Variants in NR3C2 observed in about 807,000 individuals in gnomAD.
NR3C2 encodes nuclear receptor subfamily 3 group C member 2.
A neutral mutation model predicts 86.4 loss-of-function variants in NR3C2; 15 were observed. That is an observed-to-expected ratio of 0.17 (90% CI 0.12 to 0.27). NR3C2 has a LOEUF of 0.27. Among genes scored for constraint, NR3C2 ranks in the 10% least tolerant of loss-of-function variants. The pLI is 1.00. For synonymous variants in NR3C2, 458 were observed against 450.5 expected, an observed-to-expected ratio of 1.02 and a Z score of -0.21; for missense variants, 960 against 1,195.6, an observed-to-expected ratio of 0.80 and a Z score of 2.91.
At chr4:148,318,728 T>G (rs1033145533) in intron 2 of NR3C2, among the ~76,000 whole-genome samples, 2 of 152,020 alleles carry the variant, frequency 1.3e-5, no homozygotes, top group African/African-American at 4.8e-5. Flanking sequence ...GGGTTGTTTG[T>G]TTTTTTCTTG....
chr4:148,196,946 A>G (rs999855035), intron 3 of NR3C2, among the ~76,000 whole-genome samples: 1 of 152,230 alleles, frequency 6.6e-6, no homozygotes, highest in African/African-American at 2.4e-5. Flanking sequence ...TAAAATTTTA[A>G]TGCCACATTA....
intron 2 of NR3C2, among the ~76,000 whole-genome samples, chr4:148,331,671 C>A (rs1744242913): frequency 6.6e-6 from 1 of 152,146 alleles, no homozygotes; most frequent in Non-Finnish European, 1.5e-5. Context: ...CAGAAAGAAG[C>A]TTCCTACTAA....
intron 5 of NR3C2, among the ~76,000 whole-genome samples, 186 bp from the exon 6 acceptor site, chr4:148,152,799 C>G (rs1450869110): frequency 6.6e-6 from 1 of 152,154 alleles, no homozygotes; most frequent in African/African-American, 2.4e-5. Flanking sequence ...CCACATTTCA[C>G]TTTAAATTCA....
chr4:148,152,251 A>G (rs1734135910), intron 6 of NR3C2, among the ~76,000 whole-genome samples: 1 of 152,226 alleles, frequency 6.6e-6, no homozygotes, highest in Admixed American at 6.5e-5. Context: ...ATTATGTGGA[A>G]TTTATATATA....
rs556361827 is a variant in NR3C2 at position 148,129,510 on chromosome 4, AT to A, written c.2511-9223del. 2.4e-4 allele frequency among the ~76,000 whole-genome samples: 36 copies of A among 152,314 alleles called. 1 individual carries two copies. The highest frequency in any genetic ancestry group is 4.9e-4 in the Non-Finnish European group (33 of 68,024). On this transcript the variant is annotated intron_variant, in intron 6 of 8. Coordinates refer to ENST00000358102, the MANE Select transcript of NR3C2 (RefSeq NM_000901.5). Reference sequence around the variant, plus strand: ...TTAGAAGGCAAATTTTGTTATGTGTATTTTTTTATCACAACTAAAATATGTT... The same window carrying A: ...TTAGAAGGCAAATTTTGTTATGTGTATTTTTTATCACAACTAAAATATGTT...
At chr4:148,312,895 ATAT>A (rs1181182970) in intron 2 of NR3C2, among the ~76,000 whole-genome samples, 1 of 152,198 alleles carries the variant, frequency 6.6e-6, no homozygotes, top group East Asian at 1.9e-4. Context: ...GCCCAATTAA[ATAT>A]TACCAAAGAA....
At chr4:148,238,639 C>T (rs1738863360) in intron 3 of NR3C2, among the ~76,000 whole-genome samples, 1 of 151,866 alleles carries the variant, frequency 6.6e-6, no homozygotes, top group African/African-American at 2.4e-5. Flanking sequence ...AACAACTGTC[C>T]AGCATCTACC....
intron 3 of NR3C2, among the ~76,000 whole-genome samples, chr4:148,197,813 C>A (rs1467674151): frequency 3.3e-5 from 5 of 152,210 alleles, no homozygotes; most frequent in Admixed American, 6.5e-5. Flanking sequence ...TAAACATTAA[C>A]AATTTAAATT....
intron 2 of NR3C2, among the ~76,000 whole-genome samples, chr4:148,332,170 G>A (rs968590482): frequency 4.6e-5 from 7 of 152,074 alleles, no homozygotes; most frequent in African/African-American, 9.7e-5. Flanking sequence ...TGAGTGAATC[G>A]TATAGTATGT....
chr4:148,338,797 G>C (rs1301236677), intron 2 of NR3C2, among the ~76,000 whole-genome samples: 1 of 152,064 alleles, frequency 6.6e-6, no homozygotes, highest in African/African-American at 2.4e-5. Context: ...GAAATAACTT[G>C]GTTCTAAAAG....
chr4:148,301,862 A>G (rs1742353537), intron 2 of NR3C2, among the ~76,000 whole-genome samples: 1 of 152,232 alleles, frequency 6.6e-6, no homozygotes, highest in Non-Finnish European at 1.5e-5. Flanking sequence ...TCACATGTTT[A>G]GGTACATGGG....
chr4:148,404,614 C>T lies in NR3C2; in HGVS notation c.1757+30490G>A, dbSNP rs1274364599. Among the ~76,000 whole-genome samples, 3 of 152,068 alleles carry T rather than the reference C, an allele frequency of 2.0e-5. No homozygotes were observed. The East Asian group carries it at 5.8e-4, about 29-fold the overall frequency. ...TCACTTCCCAGCACTTATGATCTAC[C>T]ATCTCATTTAGAAATTAAAATTCAA... is the stretch of plus-strand genomic sequence containing the variant. On this transcript the variant is annotated intron_variant, in intron 2 of 8. Transcript: ENST00000358102.
At chr4:148,236,681 C>A (rs1186662113) in intron 3 of NR3C2, among the ~76,000 whole-genome samples, 1 of 152,180 alleles carries the variant, frequency 6.6e-6, no homozygotes, top group Non-Finnish European at 1.5e-5. Context: ...GCTGGACACT[C>A]ATGGTCATCA....
chr4:148,089,273 T>C (rs1730956474), intron 8 of NR3C2, among the ~76,000 whole-genome samples: 1 of 151,912 alleles, frequency 6.6e-6, no homozygotes, highest in Non-Finnish European at 1.5e-5. Context: ...GACTGTGGGG[T>C]TTAATGTGCT....
chr4:148,369,755 G>A (rs1444076749), intron 2 of NR3C2, among the ~76,000 whole-genome samples: 1 of 152,152 alleles, frequency 6.6e-6, no homozygotes, highest in Non-Finnish European at 1.5e-5. Context: ...ATCTTAAAGA[G>A]GAGAACAAGA....
At chr4:148,331,688 G>T (rs1744243926) in intron 2 of NR3C2, among the ~76,000 whole-genome samples, 1 of 152,180 alleles carries the variant, frequency 6.6e-6, no homozygotes, top group African/African-American at 2.4e-5. Flanking sequence ...CTAAAGAGAA[G>T]TGGTGACAAG....
intron 2 of NR3C2, among the ~76,000 whole-genome samples, chr4:148,391,131 C>A (rs1175722940): frequency 6.6e-6 from 1 of 152,154 alleles, no homozygotes; most frequent in Non-Finnish European, 1.5e-5. Flanking sequence ...GCTTTTATTT[C>A]TGAAGACCTA....
At chr4:148,275,200 C>T (rs1047962882) in intron 2 of NR3C2, among the ~76,000 whole-genome samples, 2 of 152,138 alleles carry the variant, frequency 1.3e-5, no homozygotes, top group African/African-American at 4.8e-5. Context: ...TTAAAGTACA[C>T]AGGTCAGTTG....
intron 2 of NR3C2, 99 bp downstream of exon 2, chr4:148,435,004 TA>T: frequency 8.6e-7 from 1 of 1,159,220 alleles, no homozygotes. Context: ...CTTAAAACAG[TA>T]ATCTGAAATG....
Sources: gnomAD v4.1 joint callset for allele counts (sites outside exome capture counted in the v4.1 genomes callset) on GRCh38, gnomAD v4.1.1 for gene constraint, MANE v1.5 for transcripts, NCBI Gene and HGNC (gene_info 2026-07-23, HGNC 2026-07-21) for gene names.